Variants in NTM observed in about 807,000 individuals in gnomAD.
NTM encodes the protein neurotrimin, also known as IgLON family member 2.
Under a neutral mutation model 42.1 loss-of-function variants are expected in NTM, and 13 were observed. The observed-to-expected ratio is 0.31, with a 90% CI of 0.20 to 0.49. The LOEUF (loss-of-function observed/expected upper bound fraction) is 0.49. NTM is among the 20% of genes least tolerant of loss of function. NTM has a pLI of 0.99. For missense variants in NTM, 373 were observed against 452.8 expected, an observed-to-expected ratio of 0.82 and a Z score of 1.60; for synonymous variants, 187 against 179.2, an observed-to-expected ratio of 1.04 and a Z score of -0.35.
intron 1 of NTM, among the ~76,000 whole-genome samples, chr11:131,611,488 G>T (rs1188303237): frequency 6.6e-6 from 1 of 152,190 alleles, no homozygotes; most frequent in Non-Finnish European, 1.5e-5. Flanking sequence ...GCTCCTCTGT[G>T]TGGAATCAGA....
intron 4 of NTM, among the ~76,000 whole-genome samples, chr11:132,214,553 G>A (rs184574587): frequency 7.4e-4 from 113 of 152,168 alleles, no homozygotes; most frequent in Admixed American, 1.0e-3. Flanking sequence ...CTCTTGCAGC[G>A]TCTGAAATGT....
chr11:131,838,970 T>G (rs1217837214), intron 1 of NTM, among the ~76,000 whole-genome samples: 2 of 151,788 alleles, frequency 1.3e-5, no homozygotes, highest in Non-Finnish European at 2.9e-5. Flanking sequence ...ATCTTTTTTT[T>G]TTTTTTTTTA....
intron 4 of NTM, among the ~76,000 whole-genome samples, chr11:132,248,085 T>C (rs1338590199): frequency 6.6e-6 from 1 of 152,142 alleles, no homozygotes; most frequent in African/African-American, 2.4e-5. Context: ...CCCAAAATGT[T>C]CTTGTCTGAT....
chr11:132,200,033 A>T (rs2080910666), intron 3 of NTM, among the ~76,000 whole-genome samples: 1 of 152,062 alleles, frequency 6.6e-6, no homozygotes, highest in Admixed American at 6.5e-5. Context: ...GGATTAACAG[A>T]GCTGCCACTC....
chr11:132,169,320 C>CTTTTTTTTTTTTTTTTTTTTTTT lies in NTM; in HGVS notation c.400+22816_400+22838dup, dbSNP rs567723794. On this transcript the variant is annotated intron_variant, in intron 3 of 8. Coordinates refer to ENST00000683400, the MANE Select transcript of NTM (RefSeq NM_001352005.2). ...GTGATATCTAGGTTTAATTTTTTTA[C>CTTTTTTTTTTTTTTTTTTTTTTT]TTTTTTTTTTTTTTTTTTTTTTTTT... 2.8e-4 allele frequency among the ~76,000 whole-genome samples: 9 copies of CTTTTTTTTTTTTTTTTTTTTTTT among 32,370 alleles called. 4 individuals carry two copies. Among genetic ancestry groups the CTTTTTTTTTTTTTTTTTTTTTTT allele is most frequent in the African/African-American group, 4.6e-4 (4 of 8,668 alleles). 21.2% of individuals were successfully genotyped at this position (32,370 alleles called of 152,430 possible).
chr11:132,029,223 G>T (rs2135625410), intron 2 of NTM, among the ~76,000 whole-genome samples: 1 of 151,870 alleles, frequency 6.6e-6, no homozygotes, highest in East Asian at 1.9e-4. Flanking sequence ...AAGTTTTAGG[G>T]TACATGTGCA....
At chr11:132,162,306 G>A (rs373777380) in intron 3 of NTM, among the ~76,000 whole-genome samples, 5 of 151,508 alleles carry the variant, frequency 3.3e-5, no homozygotes, top group African/African-American at 7.3e-5. Context: ...TGTGAAGAGC[G>A]TGTATGTGGG....
intron 2 of NTM, among the ~76,000 whole-genome samples, chr11:131,961,272 C>A (rs2062137715): frequency 6.6e-6 from 1 of 152,096 alleles, no homozygotes; most frequent in African/African-American, 2.4e-5. Flanking sequence ...AGAGATGATC[C>A]CTTTCTTGGA....
intron 1 of NTM, among the ~76,000 whole-genome samples, chr11:131,820,793 G>A (rs2093154110): frequency 6.6e-6 from 1 of 152,150 alleles, no homozygotes; most frequent in African/African-American, 2.4e-5. Context: ...TAAATGAGCT[G>A]GAGTGTTCTG....
intron 1 of NTM, among the ~76,000 whole-genome samples, chr11:131,502,122 G>A (rs2046908629): frequency 6.6e-6 from 1 of 152,004 alleles, no homozygotes; most frequent in Non-Finnish European, 1.5e-5. Context: ...GTGCTGCTGA[G>A]GTCCCAATGT....
chr11:131,732,172 G>C (rs2079785667), intron 1 of NTM, among the ~76,000 whole-genome samples: 1 of 152,130 alleles, frequency 6.6e-6, no homozygotes, highest in Admixed American at 6.5e-5. Flanking sequence ...TGTTACAATA[G>C]AAAGTACAAA....
intron 1 of NTM, among the ~76,000 whole-genome samples, chr11:131,495,837 G>T (rs569354732): frequency 6.6e-6 from 1 of 152,216 alleles, no homozygotes; most frequent in East Asian, 1.9e-4. Context: ...GATTGCTTCC[G>T]CAGGGAATGT....
chr11:131,662,576 C>T (rs1198010066), intron 1 of NTM, among the ~76,000 whole-genome samples: 2 of 152,200 alleles, frequency 1.3e-5, no homozygotes, highest in Admixed American at 6.5e-5. Flanking sequence ...TTCTCAGCCA[C>T]GTGGCTTCCT....
At position 131,889,077 on chromosome 11, in the gene NTM, G is replaced by T. The variant is rs548655204; in HGVS notation, c.83-22487G>T. ...AAAGGGAGCGTCCGGATTTTAGGAA[G>T]TGTTGGTAATTTATTTCCATCTCCT... On this transcript the variant is annotated intron_variant, in intron 1 of 8. Transcript: ENST00000683400. Among the ~76,000 whole-genome samples the T allele has an allele frequency of 4.6e-5, 7 of 152,278 alleles. No individual in the cohort carries two copies. In the South Asian group the frequency reaches 1.5e-3, roughly 32 times the overall value.
chr11:131,507,048 C>G lies in NTM; in HGVS notation c.82+136160C>G, dbSNP rs143680692. 1.9e-3 allele frequency among the ~76,000 whole-genome samples: 282 copies of G among 152,206 alleles called. 2 individuals are homozygous for G. The highest frequency in any genetic ancestry group is 6.5e-3 in the African/African-American group (270 of 41,516). ...CTCTGTGAAGCCACGTCCCTTATAT[C>G]GGTACACTGTTTACAGACAACCTCT... On this transcript the variant is annotated intron_variant, in intron 1 of 8. Coordinates refer to ENST00000683400, the MANE Select transcript of NTM (RefSeq NM_001352005.2).
chr11:132,254,662 C>CG (rs1045822428), intron 4 of NTM, among the ~76,000 whole-genome samples: 5 of 152,078 alleles, frequency 3.3e-5, no homozygotes, highest in African/African-American at 1.2e-4. Flanking sequence ...ATAAAAGACT[C>CG]GGTTTCTGCA....
At chr11:132,158,360 G>A (rs2073637649) in intron 3 of NTM, among the ~76,000 whole-genome samples, 1 of 152,228 alleles carries the variant, frequency 6.6e-6, no homozygotes, top group South Asian at 2.1e-4. Flanking sequence ...GTCACCTTAA[G>A]GCAGAGGCCT....
chr11:131,458,866 T>G (rs1281597111), intron 1 of NTM, among the ~76,000 whole-genome samples: 1 of 152,272 alleles, frequency 6.6e-6, no homozygotes, highest in African/African-American at 2.4e-5. Context: ...TGTGTTTCCG[T>G]AGGTTTGTAG....
At chr11:132,023,642 C>T (rs1311311641) in intron 2 of NTM, among the ~76,000 whole-genome samples, 14 of 152,058 alleles carry the variant, frequency 9.2e-5, no homozygotes, top group Admixed American at 7.9e-4. Context: ...GGGTTCTTCT[C>T]GAAGTGAACA....
Sources: allele counts gnomAD v4.1 joint callset (sites outside exome capture counted in the v4.1 genomes callset), GRCh38; gene constraint gnomAD v4.1.1; transcripts MANE v1.5; gene names NCBI Gene and HGNC (gene_info 2026-07-23, HGNC 2026-07-21).